The following MUC13 variants were observed in gnomAD, a reference collection of about 807,000 sequenced individuals.
MUC13 encodes the protein mucin 13, cell surface associated.
Under a neutral mutation model 48.3 loss-of-function variants are expected in MUC13, and 32 were observed. The ratio of observed to expected loss-of-function variants is 0.66; its 90% CI spans 0.50 to 0.89. The LOEUF is 0.89. Among genes scored for constraint, MUC13 ranks in the 40% least tolerant of loss-of-function variants. The pLI, the probability that MUC13 is intolerant of heterozygous loss-of-function variation, is 0.00. For missense variants in MUC13, 571 were observed against 622.8 expected (o/e 0.92, Z 0.88); for synonymous variants, 199 against 224.9 (o/e 0.88, Z 1.03).
rs970736759 is a variant in MUC13, at chr3:124,922,108, G to A, written c.744+89C>T. On this transcript the variant is annotated intron_variant, in intron 4 of 11. Coordinates refer to ENST00000616727, the MANE Select transcript of MUC13 (RefSeq NM_033049.4). ...GAACAACTGGTACGATGGTACGAGC[G>A]TGAACCACCTGAAGACCAGCTCTAC... 23 of 1,468,262 alleles carry A rather than the reference G, an allele frequency of 1.6e-5. No individual in the cohort carries two copies. The Admixed American group carries it at 2.4e-4, about 15-fold the overall frequency. The allele number at this position is 1,468,262 out of a possible 1,614,324, so 91.0% of individuals were successfully genotyped here. A position where few individuals can be genotyped will look rare whatever the true frequency, so the allele number is the denominator to read the frequency against.
At chr3:124,907,484 G>A (rs527415666) in intron 11 of MUC13, among the ~76,000 whole-genome samples, 2 of 152,198 alleles carry the variant, frequency 1.3e-5, no homozygotes, top group Admixed American at 6.5e-5. Context: ...CAGGCATAGC[G>A]GCATGTGCCT....
chr3:124,914,340 G>GTT (rs1353223643), intron 6 of MUC13, among the ~76,000 whole-genome samples: 1 of 151,846 alleles, frequency 6.6e-6, no homozygotes, highest in Non-Finnish European at 1.5e-5. Flanking sequence ...AACCTAGGAG[G>GTT]CGGAGGTTGC....
chr3:124,910,376 A>T (rs1579361472), intron 10 of MUC13, 39 bp downstream of exon 10: 4 of 320,228 alleles, frequency 1.2e-5, no homozygotes, highest in East Asian at 1.0e-4. Context: ...ATCTCTCTAT[A>T]AAAAAAAAAA....
At chr3:124,921,042 C>T (rs115685172) in intron 4 of MUC13, among the ~76,000 whole-genome samples, 165 of 152,240 alleles carry the variant, frequency 1.1e-3, no homozygotes, top group African/African-American at 3.7e-3. Flanking sequence ...ATCATTTCCA[C>T]GATACATTTT....
In MUC13 at chr3:124,908,221, TC is replaced by T; in HGVS notation, c.1464del (p.Ile489Ter). 6.2e-7 allele frequency: 1 copy of T among 1,614,174 alleles called. No homozygotes were observed. The highest frequency in any genetic ancestry group is 8.5e-7 in the Non-Finnish European group (1 of 1,180,038). On this transcript the variant is annotated frameshift_variant, in exon 11 of 12. Transcript: ENST00000616727. LOFTEE classifies it high-confidence loss of function. ...GAEGSVFPKV[R>X]ITASRDSQMQ... ...ATCTGGCTGTCTCTGGAGGCCGTTATCCTGACCTTAGGAAAGACGCTCCCTT... is the reference window on the plus strand; with the variant it reads ...ATCTGGCTGTCTCTGGAGGCCGTTATCTGACCTTAGGAAAGACGCTCCCTT...
intron 3 of MUC13, among the ~76,000 whole-genome samples, chr3:124,922,807 T>C (rs563592762): frequency 8.5e-6 from 1 of 117,900 alleles, no homozygotes; most frequent in East Asian, 2.5e-4. Context: ...TAATATTCTG[T>C]GAAGTACATG....
chr3:124,916,509 T>C (rs765661659), intron 5 of MUC13, 29 bp from the exon 6 acceptor site: 3 of 1,579,656 alleles, frequency 1.9e-6, no homozygotes, highest in African/African-American at 1.3e-5. Context: ...TGTCACTTAA[T>C]GAATTGAACT....
rs750097475 is a variant in MUC13, at chr3:124,908,259, T to C, written c.1427A>G (p.Asn476Ser). 3.1e-6 allele frequency: 5 copies of C among 1,614,204 alleles called. No homozygotes were observed. Among genetic ancestry groups the C allele is most frequent in the East Asian group, 2.2e-5 (1 of 44,888 alleles). ...AAAGACGCTCCCTTCTGCTCCAAGATTGGTGAAGCCTGTCGACCGCAGTTT... is the reference window on the plus strand; with the variant it reads ...AAAGACGCTCCCTTCTGCTCCAAGACTGGTGAAGCCTGTCGACCGCAGTTT... ...NLKLRSTGFT[N>S]LGAEGSVFPK... The change falls in exon 11 of 12, where the codon AAT becomes AGT. Residue 476 changes from asparagine (N) to serine (S), a missense_variant. Transcript: ENST00000616727.
At chr3:124,925,019 G>T (rs568166683) in intron 2 of MUC13, among the ~76,000 whole-genome samples, 2 of 152,268 alleles carry the variant, frequency 1.3e-5, no homozygotes, top group East Asian at 1.9e-4. Context: ...CCACACAAAA[G>T]CCTGCACATC....
rs780722349 is a variant in MUC13, at chr3:124,912,129, G to A, written c.1227C>T (p.Gly409=). The change falls in exon 9 of 12, where the codon GGC becomes GGT. Residue 409 remains glycine (G), a synonymous_variant. Coordinates refer to ENST00000616727, the MANE Select transcript of MUC13 (RefSeq NM_033049.4). ...TGTCCTTACAGTCGAGTCCACTGTA[G>A]CCAAATGCACACCTGAAATACAGTG... ...ANGNCQKCAF[G]YSGLDCKDKF... 2 of 1,612,980 alleles carry A rather than the reference G, an allele frequency of 1.2e-6. No individual in the cohort carries two copies. The highest frequency in any genetic ancestry group is 2.7e-5 in the African/African-American group (2 of 74,922).
rs528256809 is a variant in MUC13 at position 124,930,960 on chromosome 3, C to CG, written c.53-2968dup. 1.8e-4 allele frequency among the ~76,000 whole-genome samples: 28 copies of CG among 152,104 alleles called. No homozygotes were observed. In the South Asian group the frequency reaches 5.2e-3, roughly 28 times the overall value. ...TCATTTGTTTCAGTAAATGCTTGTG[C>CG]GGGGGTTCTTGCAGTCAAGGTGCTA... On this transcript the variant is annotated intron_variant, in intron 1 of 11. Coordinates refer to ENST00000616727, the MANE Select transcript of MUC13 (RefSeq NM_033049.4).
intron 1 of MUC13, among the ~76,000 whole-genome samples, chr3:124,933,066 T>A (rs549071366): frequency 6.6e-6 from 1 of 152,168 alleles, no homozygotes; most frequent in Non-Finnish European, 1.5e-5. Context: ...GGACCTAGCA[T>A]CTGCCCCCAA....
chr3:124,930,181 G>A (rs1935769770), intron 1 of MUC13, among the ~76,000 whole-genome samples: 1 of 152,176 alleles, frequency 6.6e-6, no homozygotes, highest in South Asian at 2.1e-4. Context: ...TTCTTGAGAG[G>A]TTTTTGCAGG....
intron 1 of MUC13, among the ~76,000 whole-genome samples, chr3:124,929,087 C>T (rs1378247356): frequency 2.0e-5 from 3 of 151,950 alleles, no homozygotes; most frequent in Admixed American, 6.6e-5. Context: ...ATATCAAAGT[C>T]GCATTTTCAC....
chr3:124,929,170 C>CTTTTTT (rs1238533365), intron 1 of MUC13, among the ~76,000 whole-genome samples: 2 of 134,400 alleles, frequency 1.5e-5, no homozygotes, highest in Admixed American at 8.0e-5. Context: ...TTCCCCCACT[C>CTTTTTT]TTTTATTTTA....
intron 10 of MUC13, among the ~76,000 whole-genome samples, chr3:124,909,487 T>TGC (rs1202493071): frequency 5.9e-5 from 2 of 34,142 alleles, no homozygotes; most frequent in African/African-American, 7.8e-5. Context: ...TGTGCTTGCG[T>TGC]GTGTGTGTGT....
At chr3:124,914,006 G>A (rs1935469287) in intron 6 of MUC13, among the ~76,000 whole-genome samples, 1 of 152,192 alleles carries the variant, frequency 6.6e-6, no homozygotes, top group African/African-American at 2.4e-5. Flanking sequence ...AGGTTACAGT[G>A]AGCCATGATC....
intron 1 of MUC13, among the ~76,000 whole-genome samples, chr3:124,931,961 C>T (rs1484396211): frequency 6.6e-6 from 1 of 151,890 alleles, no homozygotes; most frequent in Non-Finnish European, 1.5e-5. Context: ...AGGAGAATTG[C>T]TTGAACCTGG....
At chr3:124,910,731 C>T (rs1466045687) in intron 9 of MUC13, among the ~76,000 whole-genome samples, 2 of 152,198 alleles carry the variant, frequency 1.3e-5, no homozygotes, top group Non-Finnish European at 2.9e-5. Flanking sequence ...CCAGACAAAA[C>T]ACTGTAAATA....
Sources: gnomAD v4.1 joint callset for allele counts (sites outside exome capture counted in the v4.1 genomes callset) on GRCh38, gnomAD v4.1.1 for gene constraint, MANE v1.5 for transcripts, NCBI Gene and HGNC (gene_info 2026-07-23, HGNC 2026-07-21) for gene names.